Variants in FRMPD3 observed in about 807,000 individuals in gnomAD.
The protein encoded by FRMPD3 is FERM and PDZ domain containing 3.
In FRMPD3, 42 loss-of-function variants were observed where a neutral mutation model predicts 97.9. The ratio of observed to expected loss-of-function variants is 0.43; its 90% CI spans 0.34 to 0.55. The LOEUF is 0.55. FRMPD3 is among the 20% of genes least tolerant of loss of function. The pLI is 0.03. For synonymous variants in FRMPD3, 577 were observed against 581.1 expected, an observed-to-expected ratio of 0.99 and a Z score of 0.10; for missense variants, 1,303 against 1,457.7, an observed-to-expected ratio of 0.89 and a Z score of 1.73.
chrX:107,527,754 T>A (rs1001484140), intron 2 of FRMPD3, among the ~76,000 whole-genome samples: 18 of 111,536 alleles, frequency 1.6e-4, no homozygotes, highest in African/African-American at 5.9e-4. Context: ...CTTGCAGAAA[T>A]TTGATGAATT....
chrX:107,530,603 G>A, intron 3 of FRMPD3, 92 bp downstream of exon 3: 1 of 638,525 alleles, frequency 1.6e-6, no homozygotes, highest in Non-Finnish European at 2.5e-6. Context: ...CTCGCTCTGA[G>A]AGCAGAATCC....
At chrX:107,517,498 G>A (rs897350682) in intron 1 of FRMPD3, among the ~76,000 whole-genome samples, 5 of 111,659 alleles carry the variant, frequency 4.5e-5, no homozygotes, top group African/African-American at 1.3e-4. Context: ...GGTGGCTCAC[G>A]CCTGTAATCC....
chrX:107,602,178 G>A lies in FRMPD3; in HGVS notation c.4139G>A (p.Gly1380Asp), dbSNP rs776886307. The change falls in exon 15 of 15, where the codon GGC (glycine) becomes GAC (aspartate). Residue 1380 changes from glycine to aspartate, a missense_variant. By Grantham distance (94) the Gly-to-Asp change is moderately conservative (BLOSUM62 -1). This residue lies in a region of FRMPD3 where 764 missense variants were observed against 820.2 expected (regional missense o/e 0.93). Transcript: ENST00000683843. ...VSCLTTCASG[G>D]ECLGAPNYRK... ...TGCCTGACCACGTGTGCCTCGGGGG[G>A]CGAGTGTCTGGGAGCTCCCAATTAC... 9 of 1,209,339 alleles carry A rather than the reference G, an allele frequency of 7.4e-6. No homozygotes were observed. The highest frequency in any genetic ancestry group is 1.0e-5 in the Non-Finnish European group (9 of 895,093).
At position 107,594,749 on chromosome X, in the gene FRMPD3, C is replaced by T. The variant is rs147900494; in HGVS notation, c.1442-2572C>T. ...ATACAAAATTAACCAGACATGGTGG[C>T]ACATGCTTATAATCCCAGCTACTTG... On this transcript the variant is annotated intron_variant, in intron 13 of 14. Transcript: ENST00000683843. 3.6e-5 allele frequency among the ~76,000 whole-genome samples: 4 copies of T among 111,293 alleles called. No individual in the cohort carries two copies. In the East Asian group the frequency reaches 1.1e-3, roughly 32 times the overall value.
rs1474221775 is a variant in FRMPD3, at chrX:107,568,910, AGAGAGAGAGAGAGAGAGAGG to A, written c.1296+3864_1296+3883del. On this transcript the variant is annotated intron_variant, in intron 12 of 14. Coordinates refer to ENST00000683843, the MANE Select transcript of FRMPD3 (RefSeq NM_001388459.1). ...CCTGTTCTCCACAAAAATGAAAGAGAGAGAGAGAGAGAGAGAGAGGGAGAGAGAGAGAGAGAGAGAGAACC... is the reference window on the plus strand; with the variant it reads ...CCTGTTCTCCACAAAAATGAAAGAGAGAGAGAGAGAGAGAGAGAGAGAACC... Among the ~76,000 whole-genome samples the A allele has an allele frequency of 4.5e-5, 4 of 88,025 alleles. No individual in the cohort carries two copies. The Admixed American group carries it at 4.9e-4, about 11-fold the overall frequency. 76.4% of individuals were successfully genotyped at this position (88,025 alleles called of 115,157 possible).
chrX:107,577,384 T>C (rs1923170820), intron 13 of FRMPD3, among the ~76,000 whole-genome samples: 1 of 103,036 alleles, frequency 9.7e-6, no homozygotes, highest in South Asian at 4.5e-4. Context: ...TTTGGGAGGC[T>C]GAGGCAGGAG....
At position 107,603,994 on chromosome X, in the gene FRMPD3, A is replaced by C. The variant is rs1022141376; in HGVS notation, c.*621A>C. ...GGCAGCCTGGTGAGCCCTCACCTCC[A>C]GGTCCAGTAGCTCCACACCAGCCAT... On this transcript the variant is annotated 3_prime_UTR_variant, in exon 15 of 15. Coordinates refer to ENST00000683843, the MANE Select transcript of FRMPD3 (RefSeq NM_001388459.1). The C allele has an allele frequency of 9.0e-6, 1 of 110,682 alleles. No individual in the cohort carries two copies. The highest frequency in any genetic ancestry group is 1.9e-5 in the Non-Finnish European group (1 of 52,910). 9.1% of individuals were successfully genotyped at this position (110,682 alleles called of 1,213,427 possible).
Position 107,495,575 on chromosome X carries a change from G to A in FRMPD3, c.-7-31007G>A, listed in dbSNP as rs751555354. On this transcript the variant is annotated intron_variant, in intron 1 of 14. Coordinates refer to ENST00000683843, the MANE Select transcript of FRMPD3 (RefSeq NM_001388459.1). ...TGAATATGCAGATAGCTGTAGACAT[G>A]GCTTCCTACTCCTGCCGTATATACA... Among the ~76,000 whole-genome samples the A allele has an allele frequency of 5.4e-5, 6 of 111,734 alleles. No homozygotes were observed. In the East Asian group the frequency reaches 1.4e-3, roughly 26 times the overall value.
Position 107,598,092 on chromosome X carries a change from C to T in FRMPD3, c.2213C>T (p.Ala738Val), listed in dbSNP as rs761994243. ...ALVSTLQALE[A>V]LAASEDGPHP... Reference sequence around the variant, plus strand: ...GTGTCCACTCTGCAGGCTCTAGAAGCCCTGGCTGCATCCGAGGATGGACCA... The same window carrying T: ...GTGTCCACTCTGCAGGCTCTAGAAGTCCTGGCTGCATCCGAGGATGGACCA... The change falls in exon 14 of 15, where the codon GCC becomes GTC. Residue 738 changes from alanine (A) to valine (V), a missense_variant. Around this residue, in one of 3 missense-constraint regions of FRMPD3, gnomAD observed 535 missense variants for 618.6 expected, o/e 0.86. Transcript: ENST00000683843. The T allele has an allele frequency of 1.4e-5, 17 of 1,210,295 alleles. No individual in the cohort carries two copies. Among genetic ancestry groups the T allele is most frequent in the Admixed American group, 2.2e-5 (1 of 46,025 alleles).
chrX:107,521,001 C>T (rs1922490298), intron 1 of FRMPD3, among the ~76,000 whole-genome samples: 1 of 111,859 alleles, frequency 8.9e-6, no homozygotes, highest in Admixed American at 9.5e-5. Context: ...CACTTTCCTC[C>T]CAGATGCCAG....
At chrX:107,525,326 C>G (rs1235977183) in intron 1 of FRMPD3, among the ~76,000 whole-genome samples, 2 of 111,715 alleles carry the variant, frequency 1.8e-5, no homozygotes, top group African/African-American at 6.5e-5. Context: ...CTCCTTTTAC[C>G]TTCTTCCCTG....
chrX:107,522,148 T>C (rs750758590), intron 1 of FRMPD3, among the ~76,000 whole-genome samples: 1 of 110,946 alleles, frequency 9.0e-6, no homozygotes, highest in East Asian at 2.9e-4. Context: ...TGCGGGGCTG[T>C]CTCTTAGAGG....
rs183726760 is a variant in FRMPD3, at chrX:107,495,063, C to T, written c.-7-31519C>T. 2.7e-3 allele frequency among the ~76,000 whole-genome samples: 310 copies of T among 112,798 alleles called. 4 individuals carry two copies. Among genetic ancestry groups the T allele is most frequent in the African/African-American group, 9.4e-3 (292 of 31,054 alleles). On this transcript the variant is annotated intron_variant, in intron 1 of 14. Coordinates refer to ENST00000683843, the MANE Select transcript of FRMPD3 (RefSeq NM_001388459.1). ...CTAATGACACAGCCTACTGCTGAAT[C>T]GCTACACACACAACCATTCACATAC...
intron 5 of FRMPD3, among the ~76,000 whole-genome samples, chrX:107,548,572 A>G (rs1041278299): frequency 1.3e-4 from 15 of 113,157 alleles, no homozygotes; most frequent in African/African-American, 4.5e-4. Flanking sequence ...AAAGATAAAT[A>G]GGACATGGTC....
chrX:107,501,915 C>G (rs1431936830), intron 1 of FRMPD3, among the ~76,000 whole-genome samples: 5 of 110,124 alleles, frequency 4.5e-5, no homozygotes, highest in Non-Finnish European at 9.5e-5. Flanking sequence ...TGCCTCATAT[C>G]CTCTGGTGAT....
chrX:107,561,317 A>G (rs150862238), intron 10 of FRMPD3, among the ~76,000 whole-genome samples: 1,709 of 111,373 alleles, frequency 0.015, 35 homozygotes, highest in African/African-American at 0.053. Flanking sequence ...TGGGCAACAT[A>G]GTGAGACAGC....
chrX:107,602,137 T>C lies in FRMPD3; in HGVS notation c.4098T>C (p.Pro1366=), dbSNP rs1425107992. The part of the protein sequence containing the change: ...SLESRECRSD[P]ESGVSCLTTC... ...AGTCCCGAGAGTGCCGATCGGACCC[T>C]GAGAGTGGTGTTTCGTGCCTGACCA... The change falls in exon 15 of 15, where the codon CCT becomes CCC. Residue 1366 remains proline, a synonymous_variant. Coordinates refer to ENST00000683843, the MANE Select transcript of FRMPD3 (RefSeq NM_001388459.1). 20 of 1,209,018 alleles carry C rather than the reference T, an allele frequency of 1.7e-5. No homozygotes were observed. The highest frequency in any genetic ancestry group is 2.2e-5 in the Non-Finnish European group (20 of 894,943).
chrX:107,582,991 C>A (rs942124052), intron 13 of FRMPD3, among the ~76,000 whole-genome samples: 1 of 112,215 alleles, frequency 8.9e-6, no homozygotes, highest in African/African-American at 3.2e-5. Context: ...TCTTCCAATC[C>A]ATGAGCAGAG....
Position 107,601,658 on chromosome X carries a change from C to T in FRMPD3, c.3619C>T (p.Pro1207Ser), listed in dbSNP as rs1225387475. The T allele has an allele frequency of 8.3e-7, 1 of 1,211,251 alleles. No homozygotes were observed. Among genetic ancestry groups the T allele is most frequent in the South Asian group, 1.8e-5 (1 of 57,009 alleles). ...CTCGACCTCTGAAGGCCCTGCCAAA[C>T]CCAAGTCATCCCGAGGTCCTTTCCG... The part of the protein sequence containing the change: ...AHSTSEGPAK[P>S]KSSRGPFRLR... The change falls in exon 15 of 15, where the codon CCC (proline) becomes TCC (serine). Residue 1207 changes from proline to serine, a missense_variant. Coordinates refer to ENST00000683843, the MANE Select transcript of FRMPD3 (RefSeq NM_001388459.1).
Sources: gnomAD v4.1 joint callset for allele counts (sites outside exome capture counted in the v4.1 genomes callset) on GRCh38, gnomAD v4.1.1 for gene constraint, gnomAD v4.1.1 regional missense constraint, MANE v1.5 for transcripts, NCBI Gene and HGNC (gene_info 2026-07-23, HGNC 2026-07-21) for gene names.